L2HGDH: variants seen among roughly 807,000 people sequenced by gnomAD.
L2HGDH encodes the protein L-2-hydroxyglutarate dehydrogenase, mitochondrial.
L2HGDH carries 34 observed loss-of-function variants against 51.5 expected under a neutral mutation model. The observed-to-expected ratio is 0.66, with a 90% CI of 0.50 to 0.88. L2HGDH has a LOEUF of 0.88. Ranked by LOEUF, L2HGDH falls within the 40% of genes least tolerant of loss-of-function variation. The pLI is 0.00. For synonymous variants in L2HGDH, 198 were observed against 197.9 expected (o/e 1.00, Z -0.01); for missense variants, 558 against 571.9 (o/e 0.98, Z 0.25).
chr14:50,244,297 C>T lies in L2HGDH; in HGVS notation c.*2761G>A, dbSNP rs1366640147. ...TGGTTGAACTAGTTTACAGTCCCAC[C>T]AACAGTGTAAAAGTGTTCCTATTTC... On this transcript the variant is annotated 3_prime_UTR_variant, in exon 10 of 10. Coordinates refer to ENST00000267436, the MANE Select transcript of L2HGDH (RefSeq NM_024884.3). 4.5e-6 allele frequency: 3 copies of T among 672,354 alleles called. No individual in the cohort carries two copies. The highest frequency in any genetic ancestry group is 5.5e-6 in the Non-Finnish European group (3 of 544,498). 41.6% of individuals were successfully genotyped at this position (672,354 alleles called of 1,614,324 possible).
intron 4 of L2HGDH, among the ~76,000 whole-genome samples, chr14:50,293,560 T>G (rs2029875811): frequency 6.6e-6 from 1 of 151,954 alleles, no homozygotes. Flanking sequence ...TTGATAACAT[T>G]AAGAATTTCT....
intron 7 of L2HGDH, among the ~76,000 whole-genome samples, 199 bp downstream of exon 7, chr14:50,268,964 G>C (rs1483324834): frequency 6.6e-6 from 1 of 152,102 alleles, no homozygotes; most frequent in Admixed American, 6.5e-5. Flanking sequence ...TGTACCTGCA[G>C]GCAATTAATT....
rs116228180 is a variant in L2HGDH, at chr14:50,282,780, G to A, written c.703+1091C>T. On this transcript the variant is annotated intron_variant, in intron 5 of 9. Transcript: ENST00000267436. ...CTATTGGCCAGGCACAGTGGCTCAC[G>A]CCCGTAATTCTAGCACTTTGGGAGG... 4.0e-3 allele frequency among the ~76,000 whole-genome samples: 608 copies of A among 152,158 alleles called. 4 individuals are homozygous for A. The highest frequency in any genetic ancestry group is 0.014 in the African/African-American group (565 of 41,492).
intron 4 of L2HGDH, among the ~76,000 whole-genome samples, chr14:50,289,686 A>C (rs1890765130): frequency 6.6e-6 from 1 of 152,210 alleles, no homozygotes; most frequent in Non-Finnish European, 1.5e-5. Context: ...AAAGCATATA[A>C]TAATATATAC....
chr14:50,275,733 A>C (rs1320597913), intron 6 of L2HGDH, among the ~76,000 whole-genome samples: 1 of 152,204 alleles, frequency 6.6e-6, no homozygotes, highest in African/African-American at 2.4e-5. Context: ...CATGTGCTCT[A>C]AATCAGTGAC....
At chr14:50,287,968 G>A (rs1421392704) in intron 4 of L2HGDH, among the ~76,000 whole-genome samples, 2 of 151,904 alleles carry the variant, frequency 1.3e-5, no homozygotes, top group Non-Finnish European at 1.5e-5. Flanking sequence ...AAAGTACTGG[G>A]ATTATAGGCA....
chr14:50,304,354 C>T (rs558339669), intron 1 of L2HGDH, among the ~76,000 whole-genome samples: 1 of 152,146 alleles, frequency 6.6e-6, no homozygotes, highest in African/African-American at 2.4e-5. Flanking sequence ...TTTCAAAATT[C>T]CAATGTAGTA....
chr14:50,257,036 A>G (rs1272199036), intron 9 of L2HGDH, among the ~76,000 whole-genome samples: 1 of 152,124 alleles, frequency 6.6e-6, no homozygotes, highest in East Asian at 1.9e-4. Flanking sequence ...CGCAGGTTCA[A>G]GTGATTCTCC....
chr14:50,271,676 C>T (rs1410029846), intron 6 of L2HGDH, among the ~76,000 whole-genome samples: 1 of 151,006 alleles, frequency 6.6e-6, no homozygotes, highest in African/African-American at 2.4e-5. Flanking sequence ...CCTTGTCTCC[C>T]TATGTTTTAT....
chr14:50,255,262 A>G (rs1275556909), intron 9 of L2HGDH, among the ~76,000 whole-genome samples: 2 of 151,790 alleles, frequency 1.3e-5, no homozygotes, highest in African/African-American at 4.8e-5. Context: ...CAGCCAGGAA[A>G]GGTGGCTCCC....
At position 50,280,673 on chromosome 14, in the gene L2HGDH, TA is replaced by T. The variant is rs879631449; in HGVS notation, c.704-2120del. On this transcript the variant is annotated intron_variant, in intron 5 of 9. Transcript: ENST00000267436. ...TTAAGAAAAAATTATTTTATTTAAT[TA>T]AAAAAAAATTTTTATGTTTAGTAAA... Among the ~76,000 whole-genome samples the T allele has an allele frequency of 1.1e-4, 17 of 151,866 alleles. 1 individual carries two copies. The highest frequency in any genetic ancestry group is 3.9e-4 in the Admixed American group (6 of 15,234).
At chr14:50,299,956 A>C (rs1022706540) in intron 3 of L2HGDH, 2 of 152,366 alleles carry the variant, frequency 1.3e-5, no homozygotes, top group Non-Finnish European at 2.9e-5. Context: ...GGTGAAATAA[A>C]CCAAGCACAG....
At chr14:50,293,271 C>T in intron 4 of L2HGDH, 1 of 702,216 alleles carries the variant, frequency 1.4e-6, no homozygotes, top group South Asian at 1.5e-5. Flanking sequence ...GTGATGCTGA[C>T]ACAACTGGAT....
intron 9 of L2HGDH, among the ~76,000 whole-genome samples, chr14:50,255,148 C>T (rs1368542188): frequency 6.6e-6 from 1 of 152,076 alleles, no homozygotes; most frequent in East Asian, 1.9e-4. Context: ...TTTTCATTCC[C>T]TTTTCAAGCA....
chr14:50,283,447 C>G (rs1307156893), intron 5 of L2HGDH, among the ~76,000 whole-genome samples: 6 of 152,160 alleles, frequency 3.9e-5, no homozygotes, highest in Non-Finnish European at 7.4e-5. Flanking sequence ...ATACTCTAGC[C>G]TAGCTCCATG....
intron 5 of L2HGDH, among the ~76,000 whole-genome samples, chr14:50,279,144 A>T (rs1448028298): frequency 6.6e-6 from 1 of 152,252 alleles, no homozygotes; most frequent in Non-Finnish European, 1.5e-5. Context: ...TACCTAAAAC[A>T]ACCTTAATTA....
intron 4 of L2HGDH, among the ~76,000 whole-genome samples, chr14:50,286,610 A>G (rs1890581844): frequency 6.6e-6 from 1 of 152,206 alleles, no homozygotes; most frequent in African/African-American, 2.4e-5. Context: ...TATTCAAAAC[A>G]TCTTTAGAAA....
intron 1 of L2HGDH, among the ~76,000 whole-genome samples, chr14:50,304,065 T>C (rs1404016233): frequency 6.6e-6 from 1 of 152,178 alleles, no homozygotes; most frequent in African/African-American, 2.4e-5. Context: ...CTAGATGATA[T>C]AGCTTACTGT....
At chr14:50,282,967 G>A (rs1261134682) in intron 5 of L2HGDH, among the ~76,000 whole-genome samples, 5 of 151,868 alleles carry the variant, frequency 3.3e-5, no homozygotes, top group African/African-American at 7.3e-5. Flanking sequence ...ACTTGAGCTC[G>A]GGAGTTCGAT....
Sources: gnomAD v4.1 joint callset for allele counts (sites outside exome capture counted in the v4.1 genomes callset) on GRCh38, gnomAD v4.1.1 for gene constraint, MANE v1.5 for transcripts, NCBI Gene and HGNC (gene_info 2026-07-23, HGNC 2026-07-21) for gene names.